The following FYB1 variants were observed in gnomAD, a reference collection of about 807,000 sequenced individuals.
FYB1 encodes the protein FYN binding protein 1, also known as FYN-binding protein 1.
FYB1 carries 41 observed loss-of-function variants against 94.1 expected under a neutral mutation model. That is an observed-to-expected ratio of 0.44 (90% CI 0.34 to 0.57). The LOEUF (loss-of-function observed/expected upper bound fraction) is 0.57, where lower values mean the gene tolerates loss of function less well. Among genes scored for constraint, FYB1 ranks in the 20% least tolerant of loss-of-function variants. FYB1 has a pLI of 0.02. For missense variants in FYB1, 1,050 were observed against 976.8 expected, an observed-to-expected ratio of 1.07 and a Z score of -1.00; for synonymous variants, 367 against 353.2, an observed-to-expected ratio of 1.04 and a Z score of -0.44.
At chr5:39,265,079 T>C (rs778404932) in intron 1 of FYB1, among the ~76,000 whole-genome samples, 3 of 152,142 alleles carry the variant, frequency 2.0e-5, no homozygotes, top group Admixed American at 6.6e-5. Context: ...CTCACACCCG[T>C]AATCCCAGCA....
intron 1 of FYB1, among the ~76,000 whole-genome samples, chr5:39,240,815 A>G (rs966244859): frequency 1.3e-5 from 2 of 152,228 alleles, no homozygotes. Flanking sequence ...CAATTCCATT[A>G]TTGGGTATAT....
At position 39,153,350 on chromosome 5, in the gene FYB1, A is replaced by C; in HGVS notation, c.1292+98T>G. On this transcript the variant is annotated intron_variant, in intron 3 of 18. Transcript: ENST00000512982. ...GCCAGCTGCCCACTTTTGTAGACCC[A>C]GAAGTTTCCCATGGAACTCTCAGCA... The C allele has an allele frequency of 2.0e-6, 3 of 1,472,144 alleles. No individual in the cohort carries two copies. The South Asian group carries it at 3.5e-5, about 17-fold the overall frequency. 91.2% of individuals were successfully genotyped at this position (1,472,144 alleles called of 1,614,324 possible). A position where few individuals can be genotyped will look rare whatever the true frequency, so the allele number is the denominator to read the frequency against.
At chr5:39,223,185 T>A (rs1218362439), upstream of FYB1, among the ~76,000 whole-genome samples, 3 of 152,026 alleles carry the variant, frequency 2.0e-5, no homozygotes, top group Non-Finnish European at 4.4e-5. Context: ...CATGCAAACC[T>A]ATTTTACTAC....
Position 39,115,980 on chromosome 5 carries a change from G to A in FYB1, c.2401+2894C>T, listed in dbSNP as rs139924644. Among the ~76,000 whole-genome samples the A allele has an allele frequency of 1.1e-4, 16 of 152,206 alleles. No homozygotes were observed. The East Asian group carries it at 3.1e-3, about 29-fold the overall frequency. ...ACTCTGTCAGCTTGCTGAATATCCTGAATTACTCCCTACCTTCCCAGGAAT... is the reference window on the plus strand; with the variant it reads ...ACTCTGTCAGCTTGCTGAATATCCTAAATTACTCCCTACCTTCCCAGGAAT... On this transcript the variant is annotated intron_variant, in intron 16 of 18. Coordinates refer to ENST00000512982, the MANE Select transcript of FYB1 (RefSeq NM_001465.6).
intron 13 of FYB1, among the ~76,000 whole-genome samples, chr5:39,123,192 T>C (rs1221005386): frequency 2.6e-5 from 4 of 152,192 alleles, no homozygotes; most frequent in African/African-American, 4.8e-5. Flanking sequence ...ATAAAAAGTT[T>C]AAATACTCTC....
chr5:39,229,907 T>C (rs1222984691), intron 1 of FYB1, among the ~76,000 whole-genome samples: 2 of 152,172 alleles, frequency 1.3e-5, no homozygotes, highest in Admixed American at 1.3e-4. Context: ...CAGGCCCGTG[T>C]GGTTCAATTA....
At chr5:39,246,028 G>C (rs1328922135) in intron 1 of FYB1, among the ~76,000 whole-genome samples, 1 of 152,192 alleles carries the variant, frequency 6.6e-6, no homozygotes, top group Non-Finnish European at 1.5e-5. Flanking sequence ...AAATTTTGCA[G>C]CAACTCTGTT....
intron 2 of FYB1, among the ~76,000 whole-genome samples, chr5:39,171,324 C>T (rs1745233208): frequency 6.6e-6 from 1 of 151,874 alleles, no homozygotes; most frequent in Non-Finnish European, 1.5e-5. Flanking sequence ...AGCATTTATA[C>T]ATTTTCTTCT....
At chr5:39,136,479 AT>A (rs542826510) in intron 7 of FYB1, among the ~76,000 whole-genome samples, 54 of 152,314 alleles carry the variant, frequency 3.5e-4, no homozygotes, top group African/African-American at 1.3e-3. Context: ...TAATACGGTA[AT>A]CATAATTTTA....
At chr5:39,137,791 G>A in intron 6 of FYB1, 71 bp from the exon 7 acceptor site, 1 of 1,535,974 alleles carries the variant, frequency 6.5e-7, no homozygotes, top group Non-Finnish European at 8.8e-7. Context: ...CTACCTAGAA[G>A]TTTCTACTCA....
chr5:39,170,443 C>T, intron 2 of FYB1: 1 of 390,864 alleles, frequency 2.6e-6, no homozygotes, highest in Non-Finnish European at 4.7e-6. Context: ...CTGGAGGGGG[C>T]CCAGGCTGAG....
At chr5:39,108,348 A>C in intron 17 of FYB1, 86 bp from the exon 18 acceptor site, 2 of 1,206,708 alleles carry the variant, frequency 1.7e-6, no homozygotes, top group Non-Finnish European at 2.3e-6. Flanking sequence ...GTAACAGTAT[A>C]ATTTTATAAG....
intron 1 of FYB1, among the ~76,000 whole-genome samples, chr5:39,263,712 C>T (rs1752319001): frequency 6.6e-6 from 1 of 152,122 alleles, no homozygotes; most frequent in Non-Finnish European, 1.5e-5. Flanking sequence ...GACCTGTTCC[C>T]CTCAGAAATT....
intron 2 of FYB1, among the ~76,000 whole-genome samples, chr5:39,196,139 A>T (rs1747812400): frequency 6.6e-6 from 1 of 152,032 alleles, no homozygotes; most frequent in Non-Finnish European, 1.5e-5. Flanking sequence ...TTGCTAAGCT[A>T]TAGAGTATTA....
chr5:39,149,963 C>T (rs144038909), intron 3 of FYB1, among the ~76,000 whole-genome samples: 2 of 152,126 alleles, frequency 1.3e-5, no homozygotes, highest in African/African-American at 4.8e-5. Flanking sequence ...CTATTTTAAA[C>T]CCAGAACTTC....
In FYB1 at chr5:39,231,736, G is replaced by T. The variant is rs190536466; in HGVS notation, c.-27-28749C>A. Reference sequence around the variant, plus strand: ...CTTATGTGGCTGGGAGGTGAACAGAGGTGCAGAGAGCTATTTCTCTTTCAC... The same window carrying T: ...CTTATGTGGCTGGGAGGTGAACAGATGTGCAGAGAGCTATTTCTCTTTCAC... On this transcript the variant is annotated intron_variant, in intron 1 of 1. Coordinates refer to the FYB1 transcript ENST00000510188. Among the ~76,000 whole-genome samples the T allele has an allele frequency of 3.9e-3, 593 of 150,270 alleles. 2 individuals are homozygous for T. The highest frequency in any genetic ancestry group is 6.7e-3 in the Non-Finnish European group (455 of 67,960).
At chr5:39,126,285 G>C in intron 11 of FYB1, 150 bp from the exon 12 acceptor site, 1 of 825,378 alleles carries the variant, frequency 1.2e-6, no homozygotes, top group East Asian at 2.7e-5. Context: ...ACAAAATAGT[G>C]TTATTAAATT....
At chr5:39,108,388 C>A in intron 17 of FYB1, 126 bp from the exon 18 acceptor site, 1 of 782,982 alleles carries the variant, frequency 1.3e-6, no homozygotes, top group Non-Finnish European at 1.9e-6. Flanking sequence ...GCATAGTATG[C>A]ATTTATAAGT....
intron 1 of FYB1, among the ~76,000 whole-genome samples, chr5:39,207,843 T>C (rs1287257001): frequency 6.6e-6 from 1 of 152,154 alleles, no homozygotes; most frequent in East Asian, 1.9e-4. Context: ...TTGACGAAAA[T>C]GACCAGCCAG....
Sources: gnomAD v4.1 joint callset for allele counts (sites outside exome capture counted in the v4.1 genomes callset) on GRCh38, gnomAD v4.1.1 for gene constraint, MANE v1.5 for transcripts, NCBI Gene and HGNC (gene_info 2026-07-23, HGNC 2026-07-21) for gene names.